The following DBET variants were observed in gnomAD, a reference collection of about 807,000 sequenced individuals.
DBET encodes D4Z4 binding element transcript, also known as D4Z4 binding element transcript (non-protein coding).
In DBET at chr4:190,064,951, G is replaced by C; in HGVS notation, n.450G>C. Reference sequence around the variant, plus strand: ...AAAGCCTACTTCTATTTTCCTTGCTGTAACAGAGGAACATTTCCTGTCTTA... The same window carrying C: ...AAAGCCTACTTCTATTTTCCTTGCTCTAACAGAGGAACATTTCCTGTCTTA... On this transcript the variant is annotated non_coding_transcript_exon_variant, in exon 1 of 1. Transcript: ENST00000630918. 2 of 287,260 alleles carry C rather than the reference G, an allele frequency of 7.0e-6. 1 individual carries two copies. The highest frequency in any genetic ancestry group is 1.3e-5 in the Non-Finnish European group (2 of 156,132). The allele number at this position is 287,260 out of a possible 1,614,324, so 17.8% of individuals were successfully genotyped here. A position where few individuals can be genotyped will look rare whatever the true frequency, so the allele number is the denominator to read the frequency against.
At chr4:190,065,046 T>A (rs797035595) in exon 1 of DBET, 1 of 436,650 alleles carries the variant, frequency 2.3e-6, no homozygotes, top group South Asian at 3.0e-5. Flanking sequence ...GCATTCGAAC[T>A]CACAGGCAAA....
exon 1 of DBET, chr4:190,065,037 C>T (rs1740579372): frequency 2.3e-6 from 1 of 431,292 alleles, no homozygotes; most frequent in South Asian, 2.9e-5. Flanking sequence ...TCTTAAAGTG[C>T]ATTCGAACTC....
exon 1 of DBET, chr4:190,065,068 A>G (rs1553971432): frequency 2.2e-6 from 1 of 445,714 alleles, no homozygotes. Flanking sequence ...TCCTCCCAGA[A>G]TCTTGTGAGA....
exon 1 of DBET, chr4:190,067,644 C>CCCT: frequency 7.8e-6 from 1 of 127,506 alleles, no homozygotes; most frequent in Admixed American, 8.2e-5. Flanking sequence ...CCCTCCCCCC[C>CCCT]CCCCCCCCCC....
In DBET at chr4:190,065,088, A is replaced by C. The variant is rs1368859540; in HGVS notation, n.587A>C. ...CCAGAATCTTGTGAGAACATAAATGATCTGACTAGTTTGGCATTGCTTTTG... is the reference window on the plus strand; with the variant it reads ...CCAGAATCTTGTGAGAACATAAATGCTCTGACTAGTTTGGCATTGCTTTTG... On this transcript the variant is annotated non_coding_transcript_exon_variant, in exon 1 of 1. Transcript: ENST00000630918. The C allele has an allele frequency of 8.9e-5, 41 of 461,666 alleles. 8 individuals carry two copies. The Middle Eastern group carries it at 2.1e-3, about 24-fold the overall frequency. 28.6% of individuals were successfully genotyped at this position (461,666 alleles called of 1,614,324 possible). A position where few individuals can be genotyped will look rare whatever the true frequency, so the allele number is the denominator to read the frequency against.
chr4:190,067,642 C>CCCCCCCCA (rs1740732336), exon 1 of DBET: 1 of 119,152 alleles, frequency 8.4e-6, no homozygotes, highest in Non-Finnish European at 1.7e-5. Context: ...CGCCCTCCCC[C>CCCCCCCCA]CCCCCCCCCC....
chr4:190,065,837 C>G, exon 1 of DBET: 1 of 91,888 alleles, frequency 1.1e-5, no homozygotes, highest in Admixed American at 2.5e-4. Flanking sequence ...CCCGGGGGAG[C>G]TGGAGGCCTC....
rs1740576952 is a variant in DBET, at chr4:190,064,976, A to T, written n.475A>T. On this transcript the variant is annotated non_coding_transcript_exon_variant, in exon 1 of 1. Transcript: ENST00000630918. Reference sequence around the variant, plus strand: ...GTAACAGAGGAACATTTCCTGTCTTATGCTTATTCTACTCTGCAATCCCCT... The same window carrying T: ...GTAACAGAGGAACATTTCCTGTCTTTTGCTTATTCTACTCTGCAATCCCCT... The T allele has an allele frequency of 8.8e-6, 3 of 339,204 alleles. 1 individual carries two copies. The highest frequency in any genetic ancestry group is 8.8e-5 in the African/African-American group (3 of 34,022). The allele number at this position is 339,204 out of a possible 1,614,324, so 21.0% of individuals were successfully genotyped here.
chr4:190,065,443 G>T, exon 1 of DBET: 1 of 344,270 alleles, frequency 2.9e-6, no homozygotes, highest in Non-Finnish European at 4.8e-6. Context: ...CAAAAGCCGG[G>T]AGGACCGGGA....
exon 1 of DBET, chr4:190,065,188 G>A (rs200437083): frequency 5.2e-6 from 3 of 578,420 alleles, no homozygotes; most frequent in Admixed American, 2.7e-5. Context: ...TGTGCCTCAA[G>A]TCAGAAGTGT....
chr4:190,067,748 A>G (rs1579780113), exon 1 of DBET: 1 of 43,072 alleles, frequency 2.3e-5, no homozygotes, highest in Non-Finnish European at 4.5e-5. Flanking sequence ...GCTCACCGCC[A>G]TTCATGAAGG....
rs1579772297 is a variant in DBET, at chr4:190,065,210, T to C, written n.709T>C. Reference sequence around the variant, plus strand: ...CAAGTCAGAAGTGTGTGAGGGGAGATGGGGAGACATTGGGATGCGCGCGCC... The same window carrying C: ...CAAGTCAGAAGTGTGTGAGGGGAGACGGGGAGACATTGGGATGCGCGCGCC... On this transcript the variant is annotated non_coding_transcript_exon_variant, in exon 1 of 1. Coordinates refer to ENST00000630918, the Ensembl canonical transcript of DBET. 5.2e-6 allele frequency: 3 copies of C among 579,944 alleles called. 1 individual carries two copies. The highest frequency in any genetic ancestry group is 2.7e-5 in the Admixed American group (1 of 37,064). 35.9% of individuals were successfully genotyped at this position (579,944 alleles called of 1,614,324 possible).
chr4:190,065,276 AG>A (rs1553971498), exon 1 of DBET: 1 of 565,538 alleles, frequency 1.8e-6, no homozygotes, highest in African/African-American at 3.2e-5. Flanking sequence ...CCAGGCAGCG[AG>A]GGCCGCCCCC....
chr4:190,065,420 C>T lies in DBET; in HGVS notation n.919C>T, dbSNP rs1740600579. Reference sequence around the variant, plus strand: ...TCCCACCCTCAGGCTCCTCGGTGGCCTCCGCACCCGGGCAAAAGCCGGGAG... The same window carrying T: ...TCCCACCCTCAGGCTCCTCGGTGGCTTCCGCACCCGGGCAAAAGCCGGGAG... On this transcript the variant is annotated non_coding_transcript_exon_variant, in exon 1 of 1. Coordinates refer to ENST00000630918, the Ensembl canonical transcript of DBET. The T allele has an allele frequency of 6.6e-4, 216 of 328,244 alleles. 7 individuals carry two copies. The highest frequency in any genetic ancestry group is 9.7e-4 in the Non-Finnish European group (189 of 195,772). 20.3% of individuals were successfully genotyped at this position (328,244 alleles called of 1,614,324 possible).
chr4:190,067,662 A>ACCCCCCCCCCCCCC, exon 1 of DBET: 1 of 40,056 alleles, frequency 2.5e-5, no homozygotes, highest in Non-Finnish European at 6.7e-5. Context: ...CCCCCCCACC[A>ACCCCCCCCCCCCCC]CCACCACCCC....
chr4:190,064,941 T>G (rs1740575613), exon 1 of DBET: 1 of 263,970 alleles, frequency 3.8e-6, no homozygotes, highest in Admixed American at 6.0e-5. Flanking sequence ...CTACTTCTAT[T>G]TTCCTTGCTG....
chr4:190,065,778 C>A lies in DBET; in HGVS notation n.1277C>A, dbSNP rs1362935922. 36 of 30,406 alleles carry A rather than the reference C, an allele frequency of 1.2e-3. 2 individuals carry two copies. The highest frequency in any genetic ancestry group is 2.3e-3 in the Non-Finnish European group (31 of 13,364). 1.9% of individuals were successfully genotyped at this position (30,406 alleles called of 1,614,324 possible). A position where few individuals can be genotyped will look rare whatever the true frequency, so the allele number is the denominator to read the frequency against. On this transcript the variant is annotated non_coding_transcript_exon_variant, in exon 1 of 1. Coordinates refer to ENST00000630918, the Ensembl canonical transcript of DBET. Reference sequence around the variant, plus strand: ...GGCCTGCTGCTGGATGAGCTCCTGGCGAGCCCGGAGTTTCTGCAGCAGGCG... The same window carrying A: ...GGCCTGCTGCTGGATGAGCTCCTGGAGAGCCCGGAGTTTCTGCAGCAGGCG...
At chr4:190,067,645 CCCCCCCCCCCCCCACCA>C in exon 1 of DBET, 1 of 124,704 alleles carries the variant, frequency 8.0e-6, no homozygotes, top group South Asian at 1.1e-4. Flanking sequence ...CCTCCCCCCC[CCCCCCCCCCCCCCACCA>C]CCACCACCCC....
exon 1 of DBET, chr4:190,065,825 G>T (rs1292133722): frequency 7.2e-4 from 51 of 70,742 alleles, no homozygotes; most frequent in Middle Eastern, 4.5e-3. Flanking sequence ...AGAAACGGAG[G>T]CCCCGGGGGA....
Sources: allele counts gnomAD v4.1 joint callset, GRCh38; gene constraint gnomAD v4.1.1; transcripts MANE v1.5; gene names NCBI Gene and HGNC (gene_info 2026-07-23, HGNC 2026-07-21).